The following PTPN23 variants were observed in gnomAD, a reference collection of about 807,000 sequenced individuals.
PTPN23 encodes protein tyrosine phosphatase non-receptor type 23, also known as tyrosine-protein phosphatase non-receptor type 23.
PTPN23 carries 72 observed loss-of-function variants against 156.3 expected under a neutral mutation model. That is an observed-to-expected ratio of 0.46 (90% CI 0.38 to 0.56). The LOEUF (loss-of-function observed/expected upper bound fraction) is 0.56. Among genes scored for constraint, PTPN23 ranks in the 20% least tolerant of loss-of-function variants. The pLI is 0.00. For synonymous variants in PTPN23, 957 were observed against 899.6 expected, an observed-to-expected ratio of 1.06 and a Z score of -1.14; for missense variants, 1,974 against 2,171.5, an observed-to-expected ratio of 0.91 and a Z score of 1.81.
Position 47,381,105 on chromosome 3 carries a change from C to A in PTPN23, c.9C>A (p.Ala3=). The change falls in exon 1 of 25, where the codon GCC becomes GCA. Residue 3 remains alanine (A), a synonymous_variant. Coordinates refer to ENST00000265562, the MANE Select transcript of PTPN23 (RefSeq NM_015466.4). ME[A]VPRMPMIWLD... ...GGCGGGTGCCAGCCGCCATGGAGGC[C>A]GTGCCCCGCATGCCCATGATCTGGC... The A allele has an allele frequency of 6.3e-7, 1 of 1,577,874 alleles. No homozygotes were observed. Among genetic ancestry groups the A allele is most frequent in the Non-Finnish European group, 8.6e-7 (1 of 1,162,968 alleles).
chr3:47,397,109 G>A (rs946853393), intron 2 of PTPN23, among the ~76,000 whole-genome samples: 2 of 152,150 alleles, frequency 1.3e-5, no homozygotes, highest in African/African-American at 2.4e-5. Flanking sequence ...GAGAACACAC[G>A]GAACATTTAT....
intron 1 of PTPN23, among the ~76,000 whole-genome samples, chr3:47,383,492 T>C (rs1217739482): frequency 6.6e-6 from 1 of 152,248 alleles, no homozygotes; most frequent in Non-Finnish European, 1.5e-5. Flanking sequence ...TGTTCAAGTG[T>C]GTGTTACCTG....
At position 47,410,519 on chromosome 3, in the gene PTPN23, G is replaced by A. The variant is rs150118207; in HGVS notation, c.2721G>A (p.Pro907=). 5.9e-4 allele frequency: 256 copies of A among 435,640 alleles called. No individual in the cohort carries two copies. The highest frequency in any genetic ancestry group is 8.2e-4 in the African/African-American group (11 of 13,404). The allele number at this position is 435,640 out of a possible 1,614,324, so 27.0% of individuals were successfully genotyped here. ...CAAACCCCACCCCTGCTCCTCCCCC[G>A]CCCTGCTTCCCTGTGCCCCCACCGC... is the stretch of plus-strand genomic sequence containing the variant. ...PRPNPTPAPP[P]PCFPVPPPQP... The change falls in exon 20 of 25, where the codon CCG becomes CCA. Residue 907 remains proline (P), a synonymous_variant. Transcript: ENST00000265562.
chr3:47,408,499 G>A lies in PTPN23; in HGVS notation c.1330+9G>A, dbSNP rs1442657992. The A allele has an allele frequency of 1.2e-6, 2 of 1,605,360 alleles. No homozygotes were observed. The highest frequency in any genetic ancestry group is 1.3e-5 in the African/African-American group (1 of 74,720). ...TGTACAGTCCATGCAAGGTGAGTAA[G>A]GGGCAGAGCAAGCAGGTGGAAGGGA... is the stretch of plus-strand genomic sequence containing the variant. On this transcript the variant is annotated intron_variant, in intron 15 of 24. Coordinates refer to ENST00000265562, the MANE Select transcript of PTPN23 (RefSeq NM_015466.4).
At chr3:47,403,821 A>T (rs1050822152) in intron 2 of PTPN23, among the ~76,000 whole-genome samples, 3 of 152,200 alleles carry the variant, frequency 2.0e-5, no homozygotes, top group African/African-American at 7.2e-5. Flanking sequence ...GAGCCCCTGC[A>T]CCTGACCTGG....
chr3:47,410,490 C>T lies in PTPN23; in HGVS notation c.2692C>T (p.Arg898Trp), dbSNP rs140769194. 6.0e-5 allele frequency: 96 copies of T among 1,607,234 alleles called. No individual in the cohort carries two copies. The highest frequency in any genetic ancestry group is 1.6e-4 in the Middle Eastern group (1 of 6,074). The part of the protein sequence containing the change: ...QAPIPSHTAP[R>W]PNPTPAPPPP... ...GCCCATCCCCAGCCACACAGCCCCA[C>T]GGCCAAACCCCACCCCTGCTCCTCC... Residue 898 changes from arginine (R) to tryptophan (W), a missense_variant, in exon 20 of 25, where the codon CGG (arginine) becomes TGG (tryptophan). By Grantham distance (101) the Arg-to-Trp change is moderately radical. Transcript: ENST00000265562.
intron 1 of PTPN23, among the ~76,000 whole-genome samples, chr3:47,385,960 T>G (rs1704644376): frequency 6.6e-6 from 1 of 152,170 alleles, no homozygotes; most frequent in African/African-American, 2.4e-5. Context: ...TCCTTCCACA[T>G]CTGGTCACTG....
rs745537981 is a variant in PTPN23, at chr3:47,381,161, T to A, written c.65T>A (p.Phe22Tyr). 47 of 1,588,734 alleles carry A rather than the reference T, an allele frequency of 3.0e-5. No individual in the cohort carries two copies. In the South Asian group the frequency reaches 5.4e-4, roughly 18 times the overall value. ...CTGAAGGAGGCCGGTGACTTTCACT[T>A]CCAGCCAGCTGTGAAGAAGGTGAGC... The part of the protein sequence containing the change: ...LDLKEAGDFH[F>Y]QPAVKKFVLK... Residue 22 changes from phenylalanine to tyrosine, a missense_variant, in exon 1 of 25, where the codon TTC (phenylalanine) becomes TAC (tyrosine). Around this residue, in one of 4 missense-constraint regions of PTPN23, gnomAD observed 726 missense variants for 929.5 expected, o/e 0.78. Coordinates refer to ENST00000265562, the MANE Select transcript of PTPN23 (RefSeq NM_015466.4).
In PTPN23 at chr3:47,407,205, TG is replaced by T. The variant is rs1183123024; in HGVS notation, c.864+21del. 1 of 1,613,916 alleles carries T rather than the reference TG, an allele frequency of 6.2e-7. No individual in the cohort carries two copies. The highest frequency in any genetic ancestry group is 8.5e-7 in the Non-Finnish European group (1 of 1,179,976). ...GGCCAAGGTAAAGCTGAGGAAGGCC[TG>T]GCTGCCCTGAGGGTATAGGAGCAAG... is the stretch of plus-strand genomic sequence containing the variant. On this transcript the variant is annotated intron_variant, in intron 10 of 24. Transcript: ENST00000265562. This position sits in a 1 kb window ranked among gnomAD's most constrained non-coding sequence, Gnocchi z 4.0.
At chr3:47,396,583 CAAAAA>C (rs1273633573) in intron 2 of PTPN23, among the ~76,000 whole-genome samples, 3 of 151,742 alleles carry the variant, frequency 2.0e-5, no homozygotes, top group Non-Finnish European at 2.9e-5. Context: ...TCAAAAACAA[CAAAAA>C]AGAAACCACC....
chr3:47,407,136 T>C lies in PTPN23; in HGVS notation c.814T>C (p.Tyr272His). ...EQQKFGERVA[Y>H]FQSALDKLNE... ...TTCCTGCCACCCTCCACAGGTTGCA[T>C]ACTTCCAGAGCGCCCTGGACAAGCT... is the stretch of plus-strand genomic sequence containing the variant. The change falls in exon 10 of 25, where the codon TAC (tyrosine) becomes CAC (histidine). Residue 272 changes from tyrosine to histidine, a missense_variant. Coordinates refer to ENST00000265562, the MANE Select transcript of PTPN23 (RefSeq NM_015466.4). This position sits in a 1 kb window ranked among gnomAD's most constrained non-coding sequence, Gnocchi z 4.0. 1 of 1,614,010 alleles carries C rather than the reference T, an allele frequency of 6.2e-7. No individual in the cohort carries two copies. The highest frequency in any genetic ancestry group is 8.5e-7 in the Non-Finnish European group (1 of 1,179,958).
At chr3:47,401,210 ATTTTT>A (rs1704988224) in intron 2 of PTPN23, among the ~76,000 whole-genome samples, 1 of 148,042 alleles carries the variant, frequency 6.8e-6, no homozygotes, top group Non-Finnish European at 1.5e-5. Context: ...CTTTTATTTT[ATTTTT>A]TGAGATAGGG....
In PTPN23 at chr3:47,411,503, G is replaced by A; in HGVS notation, c.3705G>A (p.Val1235=). The A allele has an allele frequency of 6.2e-7, 1 of 1,613,122 alleles. No homozygotes were observed. The highest frequency in any genetic ancestry group is 8.5e-7 in the Non-Finnish European group (1 of 1,180,032). The part of the protein sequence containing the change: ...DVMPYDSNRV[V]LRSGKDDYIN... ...TGCCCTATGACAGTAACCGTGTGGT[G>A]CTGCGCTCAGGCAAGGATGACTACA... Residue 1235 remains valine (V), a synonymous_variant, in exon 20 of 25, where the codon GTG becomes GTA. Transcript: ENST00000265562. The surrounding 1 kb of genome is among the most constrained non-coding windows in gnomAD (Gnocchi z 6.3).
At chr3:47,400,011 A>G (rs1291803363) in intron 2 of PTPN23, among the ~76,000 whole-genome samples, 1 of 152,022 alleles carries the variant, frequency 6.6e-6, no homozygotes, top group South Asian at 2.1e-4. Flanking sequence ...GGAGTCTCGT[A>G]TATTCCCCAG....
At position 47,387,570 on chromosome 3, in the gene PTPN23, C is replaced by CA. The variant is rs10548678; in HGVS notation, c.84+6407dup. On this transcript the variant is annotated intron_variant, in intron 1 of 24. Transcript: ENST00000265562. ...AGCCTGGGTGTCAGAGACCCTGTCT[C>CA]AAAAAAAAAAAAAAAAAGTTTGTTT... 2.6e-3 allele frequency among the ~76,000 whole-genome samples: 347 copies of CA among 135,576 alleles called. 4 individuals are homozygous for CA. Among genetic ancestry groups the CA allele is most frequent in the African/African-American group, 8.5e-3 (302 of 35,598 alleles). 88.9% of individuals were successfully genotyped at this position (135,576 alleles called of 152,430 possible).
intron 1 of PTPN23, among the ~76,000 whole-genome samples, chr3:47,393,509 A>C (rs1236803619): frequency 2.0e-5 from 3 of 152,176 alleles, no homozygotes; most frequent in African/African-American, 7.2e-5. Context: ...ATAGATAGAT[A>C]GATAGAGAGA....
In PTPN23 at chr3:47,411,476, C is replaced by G. The variant is rs763493430; in HGVS notation, c.3678C>G (p.Val1226=). The change falls in exon 20 of 25, where the codon GTC becomes GTG. Residue 1226 remains valine, a synonymous_variant. Transcript: ENST00000265562. This position sits in a 1 kb window ranked among gnomAD's most constrained non-coding sequence, Gnocchi z 6.3. The part of the protein sequence containing the change: ...CYSLKNRHQD[V]MPYDSNRVVL... ...CACTGAAGAACCGGCACCAGGATGTCATGCCCTATGACAGTAACCGTGTGG... is the reference window on the plus strand; with the variant it reads ...CACTGAAGAACCGGCACCAGGATGTGATGCCCTATGACAGTAACCGTGTGG... The G allele has an allele frequency of 2.5e-5, 41 of 1,613,206 alleles. No individual in the cohort carries two copies. The highest frequency in any genetic ancestry group is 3.2e-5 in the Non-Finnish European group (38 of 1,180,026).
rs774320322 is a variant in PTPN23, at chr3:47,409,078, C to G, written c.1633C>G (p.Leu545Val). ...QVRAALPTPA[L>V]SPEDKAVLQN... ...CCGGGCTGCCCTGCCCACACCGGCC[C>G]TCTCCCCAGGTGAGCCCCACCAGAC... The change falls in exon 16 of 25, where the codon CTC becomes GTC. Residue 545 changes from leucine to valine, a missense_variant. This residue lies in a region of PTPN23 where 726 missense variants were observed against 929.5 expected (regional missense o/e 0.78). Transcript: ENST00000265562. The G allele has an allele frequency of 1.2e-6, 2 of 1,611,626 alleles. No homozygotes were observed. The highest frequency in any genetic ancestry group is 2.2e-5 in the South Asian group (2 of 90,820).
At position 47,410,617 on chromosome 3, in the gene PTPN23, C is replaced by A; in HGVS notation, c.2819C>A (p.Ser940Tyr). ...QPIPAQHHFS[S>Y]GIPAGFPAPR... is the part of the protein sequence containing the mutation. ...ATCCCGGCACAGCACCACTTCTCTT[C>A]TGGGATCCCCGCAGGTTTTCCAGCC... The change falls in exon 20 of 25, where the codon TCT (serine) becomes TAT (tyrosine). Residue 940 changes from serine to tyrosine, a missense_variant. Ser to Tyr is a moderately radical substitution (Grantham distance 144). Around this residue, in one of 4 missense-constraint regions of PTPN23, gnomAD observed 731 missense variants for 669.1 expected, o/e 1.09. Coordinates refer to ENST00000265562, the MANE Select transcript of PTPN23 (RefSeq NM_015466.4). 6.2e-7 allele frequency: 1 copy of A among 1,612,030 alleles called. No individual in the cohort carries two copies. Among genetic ancestry groups the A allele is most frequent in the Non-Finnish European group, 8.5e-7 (1 of 1,179,484 alleles).
Sources: gnomAD v4.1 joint callset for allele counts (sites outside exome capture counted in the v4.1 genomes callset) on GRCh38, gnomAD v4.1.1 for gene constraint, gnomAD v4.1.1 regional missense constraint, Gnocchi (gnomAD v3.1) non-coding constraint, MANE v1.5 for transcripts, NCBI Gene and HGNC (gene_info 2026-07-23, HGNC 2026-07-21) for gene names.